Variants in LRRC9 observed in about 807,000 individuals in gnomAD.
The protein encoded by LRRC9 is leucine-rich repeat-containing protein 9.
Under a neutral mutation model 63.2 loss-of-function variants are expected in LRRC9, and 122 were observed. The ratio of observed to expected loss-of-function variants is 1.93; its 90% CI spans 1.67 to 2.24. The LOEUF (loss-of-function observed/expected upper bound fraction) is 2.24, where lower values mean the gene tolerates loss of function less well. LRRC9 is among the 30% of genes most tolerant of loss of function. The pLI is 0.00. For synonymous variants in LRRC9, 366 were observed against 213.1 expected, an observed-to-expected ratio of 1.72 and a Z score of -6.25; for missense variants, 1,071 against 627.7, an observed-to-expected ratio of 1.71 and a Z score of -7.55.
rs1018188000 is a variant in LRRC9 at position 60,048,775 on chromosome 14, C to T, written c.3991-4290C>T. Among the ~76,000 whole-genome samples, 16 of 152,290 alleles carry T rather than the reference C, an allele frequency of 1.1e-4. 1 individual carries two copies. The East Asian group carries it at 1.7e-3, about 17-fold the overall frequency. Reference sequence around the variant, plus strand: ...AAAATTGAAAAGGAGGGTCTCCACCCTAACTCATTTTATGAGGCCAGCATC... The same window carrying T: ...AAAATTGAAAAGGAGGGTCTCCACCTTAACTCATTTTATGAGGCCAGCATC... On this transcript the variant is annotated intron_variant, in intron 29 of 31. Transcript: ENST00000445360.
At chr14:59,934,395 G>C (rs1218769300) in intron 6 of LRRC9, among the ~76,000 whole-genome samples, 6 of 152,144 alleles carry the variant, frequency 3.9e-5, no homozygotes. Flanking sequence ...ATACCAGTGG[G>C]GCCATCCAGG....
chr14:60,036,779 T>G (rs552514031), intron 29 of LRRC9, among the ~76,000 whole-genome samples: 2 of 152,006 alleles, frequency 1.3e-5, no homozygotes, highest in African/African-American at 4.8e-5. Context: ...TATTTTTATA[T>G]ATATACTTTA....
In LRRC9 at chr14:59,977,568, T is replaced by TTGTGTG. The variant is rs150262478; in HGVS notation, c.1762+251_1762+256dup. On this transcript the variant is annotated intron_variant, in intron 14 of 31. Coordinates refer to ENST00000445360, the Ensembl canonical transcript of LRRC9. Reference sequence around the variant, plus strand: ...GGCAAATTTTAATGTAATTATGTATTTGTGTGTGTGTGTGTGTGTGTGTGT... The same window carrying TTGTGTG: ...GGCAAATTTTAATGTAATTATGTATTTGTGTGTGTGTGTGTGTGTGTGTGTGTGTGT... 1.9e-3 allele frequency among the ~76,000 whole-genome samples: 275 copies of TTGTGTG among 144,602 alleles called. 1 individual carries two copies. Among genetic ancestry groups the TTGTGTG allele is most frequent in the Admixed American group, 2.9e-3 (41 of 14,366 alleles). 94.9% of individuals were successfully genotyped at this position (144,602 alleles called of 152,430 possible). A position where few individuals can be genotyped will look rare whatever the true frequency, so the allele number is the denominator to read the frequency against.
chr14:59,960,150 C>A, intron 9 of LRRC9, 136 bp downstream of exon 9: 2 of 513,590 alleles, frequency 3.9e-6, no homozygotes, highest in Non-Finnish European at 6.9e-6. Context: ...GAAATATATT[C>A]TTAGTACTAG....
In LRRC9 at chr14:59,964,870, C is replaced by T. The variant is rs1195362437; in HGVS notation, c.1212-1719C>T. Among the ~76,000 whole-genome samples the T allele has an allele frequency of 6.6e-6, 1 of 152,186 alleles. No individual in the cohort carries two copies. The highest frequency in any genetic ancestry group is 1.5e-5 in the Non-Finnish European group (1 of 68,036). ...GGATTAGTTTGGTTTAGGCAGCTCT[C>T]CTTTCAACTCTAAGGGAGAAGTAAT... is the stretch of plus-strand genomic sequence containing the variant. On this transcript the variant is annotated intron_variant, in intron 10 of 31. Coordinates refer to ENST00000445360, the Ensembl canonical transcript of LRRC9. The surrounding 1 kb of genome is among the most constrained non-coding windows in gnomAD (Gnocchi z 4.4).
chr14:60,038,644 T>C (rs1892665259), intron 29 of LRRC9, among the ~76,000 whole-genome samples: 1 of 152,240 alleles, frequency 6.6e-6, no homozygotes, highest in Non-Finnish European at 1.5e-5. Context: ...TGAAGTTGCT[T>C]ATCAGCTTAC....
chr14:59,942,435 G>A lies in LRRC9; in HGVS notation c.727-2154G>A, dbSNP rs116740917. ...AAAACGCCATCCTGTTTTTCATAGTGGCTGTACTAATTTACATTTCTACTA... is the reference window on the plus strand; with the variant it reads ...AAAACGCCATCCTGTTTTTCATAGTAGCTGTACTAATTTACATTTCTACTA... On this transcript the variant is annotated intron_variant, in intron 7 of 31. Transcript: ENST00000445360. The surrounding 1 kb of genome is among the most constrained non-coding windows in gnomAD (Gnocchi z 5.3). 0.01 allele frequency among the ~76,000 whole-genome samples: 1,535 copies of A among 152,174 alleles called. 23 individuals carry two copies. The highest frequency in any genetic ancestry group is 0.035 in the African/African-American group (1,452 of 41,510).
chr14:59,945,527 T>C (rs1370530094), intron 8 of LRRC9, among the ~76,000 whole-genome samples: 1 of 151,978 alleles, frequency 6.6e-6, no homozygotes, highest in Non-Finnish European at 1.5e-5. Context: ...TATAGATGGA[T>C]ATATTTATCT....
At chr14:60,005,632 G>T (rs913719405) in intron 21 of LRRC9, among the ~76,000 whole-genome samples, 1 of 151,998 alleles carries the variant, frequency 6.6e-6, no homozygotes. Flanking sequence ...GATGTGAAAG[G>T]GGAGCACAGA....
exon 25 of LRRC9, chr14:60,018,464 T>C (rs1228562199): frequency 7.2e-6 from 5 of 698,760 alleles, no homozygotes; most frequent in Non-Finnish European, 1.3e-5. Flanking sequence ...GATTAATCTA[T>C]CTACCTAATG....
intron 29 of LRRC9, among the ~76,000 whole-genome samples, chr14:60,037,379 C>T (rs1892533562): frequency 6.6e-6 from 1 of 152,194 alleles, no homozygotes; most frequent in South Asian, 2.1e-4. Context: ...TACAGTCCCA[C>T]CAACAGGGTA....
chr14:59,961,046 G>T lies in LRRC9; in HGVS notation c.1211+1G>T. ...AAGAAGGCACTCGATCTGATGACTGGTAAATCTGTTAGAAATTTAGTATAG... is the reference window on the plus strand; with the variant it reads ...AAGAAGGCACTCGATCTGATGACTGTTAAATCTGTTAGAAATTTAGTATAG... On this transcript the variant is annotated splice_donor_variant, in intron 10 of 31. Transcript: ENST00000445360. LOFTEE classifies it high-confidence loss of function. 1 of 649,990 alleles carries T rather than the reference G, an allele frequency of 1.5e-6. No individual in the cohort carries two copies. Among genetic ancestry groups the T allele is most frequent in the Non-Finnish European group, 2.8e-6 (1 of 360,806 alleles). The allele number at this position is 649,990 out of a possible 1,614,324, so 40.3% of individuals were successfully genotyped here.
rs1275600881 is a variant in LRRC9, at chr14:60,004,348, T to C, written c.2842+550T>C. ...TTGAGGTTATATTTGGAAATTTGAA[T>C]ACTTTAACAAGAAATGAAAATTATA... On this transcript the variant is annotated intron_variant, in intron 21 of 31. Transcript: ENST00000445360. This position sits in a 1 kb window ranked among gnomAD's most constrained non-coding sequence, Gnocchi z 4.8. Among the ~76,000 whole-genome samples, 1 of 152,104 alleles carries C rather than the reference T, an allele frequency of 6.6e-6. No homozygotes were observed. The highest frequency in any genetic ancestry group is 2.4e-5 in the African/African-American group (1 of 41,434).
chr14:59,988,774 T>G (rs1297557726), intron 17 of LRRC9, among the ~76,000 whole-genome samples: 1 of 152,128 alleles, frequency 6.6e-6, no homozygotes, highest in East Asian at 1.9e-4. Context: ...TCATCACCAG[T>G]CTTTATTTTG....
chr14:60,006,259 A>G, intron 21 of LRRC9, 138 bp from the exon 22 acceptor site: 1 of 535,344 alleles, frequency 1.9e-6, no homozygotes, highest in Middle Eastern at 4.8e-4. Context: ...GCTTAAAGCA[A>G]TGATGGTTAG....
chr14:59,934,650 G>A (rs573910242), intron 6 of LRRC9, among the ~76,000 whole-genome samples: 1 of 152,138 alleles, frequency 6.6e-6, no homozygotes, highest in Non-Finnish European at 1.5e-5. Context: ...TAACAAGATT[G>A]TGTGTGTGCA....
Position 59,919,893 on chromosome 14 carries a change from A to G in LRRC9, c.-34+10A>G, listed in dbSNP as rs1173442766. The stretch of plus-strand genomic sequence containing the variant: ...CCGCGAACTGGCGAAGGTAAGTGAA[A>G]AGATAAGCGCAGGTACAGAAAAACC... On this transcript the variant is annotated intron_variant, in intron 1 of 31. Transcript: ENST00000445360. This position sits in a 1 kb window ranked among gnomAD's most constrained non-coding sequence, Gnocchi z 4.5. 1 of 152,286 alleles carries G rather than the reference A, an allele frequency of 6.6e-6. No homozygotes were observed. Among genetic ancestry groups the G allele is most frequent in the Non-Finnish European group, 1.5e-5 (1 of 68,094 alleles). The allele number at this position is 152,286 out of a possible 1,614,324, so 9.4% of individuals were successfully genotyped here. A position where few individuals can be genotyped will look rare whatever the true frequency, so the allele number is the denominator to read the frequency against.
chr14:60,024,408 A>T (rs996517177), intron 27 of LRRC9, among the ~76,000 whole-genome samples: 2 of 152,054 alleles, frequency 1.3e-5, no homozygotes, highest in Non-Finnish European at 2.9e-5. Flanking sequence ...TTAGAGAAGT[A>T]GCGTGAGAAA....
chr14:60,041,955 T>C (rs1798855846), intron 29 of LRRC9, among the ~76,000 whole-genome samples: 1 of 152,206 alleles, frequency 6.6e-6, no homozygotes, highest in Non-Finnish European at 1.5e-5. Context: ...TGTTTGTTAG[T>C]TTTCTTTCTA....
Sources: allele counts gnomAD v4.1 joint callset (sites outside exome capture counted in the v4.1 genomes callset), GRCh38; gene constraint gnomAD v4.1.1; non-coding constraint Gnocchi (gnomAD v3.1); transcripts MANE v1.5; gene names NCBI Gene and HGNC (gene_info 2026-07-23, HGNC 2026-07-21).